The following GLRB variants were observed in gnomAD, a reference collection of about 807,000 sequenced individuals.
The protein encoded by GLRB is glycine receptor beta.
Under a neutral mutation model 54.2 loss-of-function variants are expected in GLRB, and 33 were observed. The observed-to-expected ratio is 0.61, with a 90% CI of 0.46 to 0.81. The LOEUF (loss-of-function observed/expected upper bound fraction) is 0.81, where lower values mean the gene tolerates loss of function less well. GLRB is among the 40% of genes least tolerant of loss of function. GLRB has a pLI of 0.00. For missense variants in GLRB, 572 were observed against 584.6 expected (o/e 0.98, Z 0.22); for synonymous variants, 209 against 208.2 (o/e 1.00, Z -0.03).
At chr4:157,132,440 T>C (rs1736251175) in intron 4 of GLRB, among the ~76,000 whole-genome samples, 1 of 151,796 alleles carries the variant, frequency 6.6e-6, no homozygotes, top group African/African-American at 2.4e-5. Flanking sequence ...TAAGAAGTGG[T>C]ATCTTTTTGC....
intron 2 of GLRB, among the ~76,000 whole-genome samples, chr4:157,081,580 A>G (rs1489126510): frequency 6.6e-6 from 1 of 152,136 alleles, no homozygotes; most frequent in Non-Finnish European, 1.5e-5. Flanking sequence ...ATCACCTTAG[A>G]CCATCTCTTT....
At chr4:157,131,069 T>C (rs1362836563) in intron 4 of GLRB, among the ~76,000 whole-genome samples, 1 of 151,688 alleles carries the variant, frequency 6.6e-6, no homozygotes, top group African/African-American at 2.4e-5. Flanking sequence ...ATTAGTAACA[T>C]CAATTTTTAA....
chr4:157,152,173 G>A (rs1376413306), intron 8 of GLRB, among the ~76,000 whole-genome samples: 1 of 152,016 alleles, frequency 6.6e-6, no homozygotes. Context: ...ACCTTTCTTT[G>A]GAAATCTGGA....
At chr4:157,087,247 C>T (rs997799484) in intron 2 of GLRB, among the ~76,000 whole-genome samples, 1 of 152,102 alleles carries the variant, frequency 6.6e-6, no homozygotes, top group African/African-American at 2.4e-5. Flanking sequence ...TTAAAATTTA[C>T]TTTGTACGTC....
chr4:157,143,867 TG>T lies in GLRB; in HGVS notation c.817del (p.Val273SerfsTer54), dbSNP rs753915588. 2 of 1,613,880 alleles carry T rather than the reference TG, an allele frequency of 1.2e-6. No homozygotes were observed. Among genetic ancestry groups the T allele is most frequent in the Non-Finnish European group, 1.7e-6 (2 of 1,179,884 alleles). On this transcript the variant is annotated frameshift_variant, in exon 8 of 10. Coordinates refer to ENST00000264428, the MANE Select transcript of GLRB (RefSeq NM_000824.5). LOFTEE classifies it high-confidence loss of function. ...TLRRQVGFYM[M>X]GVYAPTLLIV... is the part of the protein sequence containing the mutation. Reference sequence around the variant, plus strand: ...AGGAGGCAGGTCGGCTTTTACATGATGGGGGTCTACGCCCCAACTCTGCTCA... The same window carrying T: ...AGGAGGCAGGTCGGCTTTTACATGATGGGGTCTACGCCCCAACTCTGCTCA...
chr4:157,169,664 C>G (rs1737844929), intron 9 of GLRB, among the ~76,000 whole-genome samples: 1 of 151,946 alleles, frequency 6.6e-6, no homozygotes, highest in Non-Finnish European at 1.5e-5. Context: ...GAAAAAAAGC[C>G]CATGTATAAG....
chr4:157,103,939 TTG>T (rs34144061), intron 2 of GLRB, among the ~76,000 whole-genome samples: 117 of 148,152 alleles, frequency 7.9e-4, no homozygotes, highest in Non-Finnish European at 8.6e-4. Flanking sequence ...GTGTGTGTGT[TTG>T]TGTGTGTGTG....
chr4:157,086,475 G>T (rs1734416749), intron 2 of GLRB, among the ~76,000 whole-genome samples: 1 of 152,162 alleles, frequency 6.6e-6, no homozygotes, highest in Admixed American at 6.5e-5. Flanking sequence ...CATAATTTAT[G>T]AGAGTTAGAA....
intron 9 of GLRB, among the ~76,000 whole-genome samples, chr4:157,169,638 G>A (rs1292606696): frequency 6.6e-6 from 1 of 151,852 alleles, no homozygotes; most frequent in Non-Finnish European, 1.5e-5. Context: ...AGATACAAGG[G>A]GCAACTGTAT....
In GLRB at chr4:157,098,693, C is replaced by T. The variant is rs182933947; in HGVS notation, c.122+20547C>T. Among the ~76,000 whole-genome samples the T allele has an allele frequency of 4.6e-5, 7 of 152,082 alleles. No individual in the cohort carries two copies. The East Asian group carries it at 1.4e-3, about 30-fold the overall frequency. On this transcript the variant is annotated intron_variant, in intron 2 of 9. Transcript: ENST00000264428. ...CATGATCTCGGCTCAGCAACCTCCACCTCCCTGGTTCAAGCAATTCCCCTG... is the reference window on the plus strand; with the variant it reads ...CATGATCTCGGCTCAGCAACCTCCATCTCCCTGGTTCAAGCAATTCCCCTG...
chr4:157,103,669 C>A (rs1267600096), intron 2 of GLRB, among the ~76,000 whole-genome samples: 1 of 151,962 alleles, frequency 6.6e-6, no homozygotes, highest in Non-Finnish European at 1.5e-5. Context: ...AGCCTTCCAA[C>A]CCATGAACAT....
intron 2 of GLRB, among the ~76,000 whole-genome samples, chr4:157,106,730 C>T (rs1028148531): frequency 6.6e-6 from 1 of 152,050 alleles, no homozygotes; most frequent in Non-Finnish European, 1.5e-5. Flanking sequence ...TACACCATCA[C>T]CTTCCCTAGT....
intron 2 of GLRB, among the ~76,000 whole-genome samples, chr4:157,111,717 A>T (rs555838591): frequency 6.6e-6 from 1 of 152,098 alleles, no homozygotes; most frequent in East Asian, 1.9e-4. Flanking sequence ...TATCTTGCTG[A>T]CATCACTCTT....
chr4:157,158,813 G>A (rs948485562), intron 9 of GLRB, among the ~76,000 whole-genome samples: 6 of 152,042 alleles, frequency 3.9e-5, no homozygotes, highest in East Asian at 1.9e-4. Context: ...TTGGCAATGC[G>A]GGCTCTTTTT....
rs767998783 is a variant in GLRB at position 157,120,674 on chromosome 4, C to G, written c.229+12C>G. Reference sequence around the variant, plus strand: ...ACCAAACTTCAAAGGTTTGTCTCCCCCATATAAATGTTCATTTTTATTGTT... The same window carrying G: ...ACCAAACTTCAAAGGTTTGTCTCCCGCATATAAATGTTCATTTTTATTGTT... On this transcript the variant is annotated intron_variant, in intron 3 of 9. Transcript: ENST00000264428. 8.2e-7 allele frequency: 1 copy of G among 1,220,314 alleles called. No individual in the cohort carries two copies. Among genetic ancestry groups the G allele is most frequent in the Admixed American group, 1.7e-5 (1 of 58,886 alleles). 75.6% of individuals were successfully genotyped at this position (1,220,314 alleles called of 1,614,324 possible).
At chr4:157,166,354 T>G (rs559918539) in intron 9 of GLRB, among the ~76,000 whole-genome samples, 39 of 152,216 alleles carry the variant, frequency 2.6e-4, no homozygotes, top group Admixed American at 1.4e-3. Flanking sequence ...TTATTTCATC[T>G]CTTTTCATGT....
chr4:157,115,562 CCA>C (rs1735579920), intron 2 of GLRB, among the ~76,000 whole-genome samples: 1 of 151,688 alleles, frequency 6.6e-6, no homozygotes, highest in South Asian at 2.1e-4. Flanking sequence ...TCAAAACATC[CCA>C]CAGAGTCAGA....
chr4:157,167,578 A>G (rs1159034717), intron 9 of GLRB, among the ~76,000 whole-genome samples: 1 of 152,070 alleles, frequency 6.6e-6, no homozygotes. Context: ...ATGGGGCAAA[A>G]ATTAGATGTA....
At position 157,142,196 on chromosome 4, in the gene GLRB, A is replaced by G. The variant is rs182057346; in HGVS notation, c.752-1611A>G. Among the ~76,000 whole-genome samples, 878 of 152,204 alleles carry G rather than the reference A, an allele frequency of 5.8e-3. 6 individuals carry two copies. The highest frequency in any genetic ancestry group is 8.9e-3 in the Non-Finnish European group (603 of 67,956). On this transcript the variant is annotated intron_variant, in intron 7 of 9. Transcript: ENST00000264428. ...TAGAAACATATGTTCTTATTTGTCC[A>G]GGCAGAGAGTTAAGGGGAATGGTGG...
Sources: gnomAD v4.1 joint callset for allele counts (sites outside exome capture counted in the v4.1 genomes callset) on GRCh38, gnomAD v4.1.1 for gene constraint, MANE v1.5 for transcripts, NCBI Gene and HGNC (gene_info 2026-07-23, HGNC 2026-07-21) for gene names.